The following SYNCRIP variants were observed in gnomAD, a reference collection of about 807,000 sequenced individuals.
The protein encoded by SYNCRIP is synaptotagmin binding cytoplasmic RNA interacting protein.
Under a neutral mutation model 68.9 loss-of-function variants are expected in SYNCRIP, and 9 were observed. That is an observed-to-expected ratio of 0.13 (90% CI 0.08 to 0.23). The LOEUF is 0.23. Among genes scored for constraint, SYNCRIP ranks in the 10% least tolerant of loss-of-function variants. The pLI, the probability that SYNCRIP is intolerant of heterozygous loss-of-function variation, is 1.00. For synonymous variants in SYNCRIP, 258 were observed against 254.0 expected (o/e 1.02, Z -0.15); for missense variants, 414 against 770.6 (o/e 0.54, Z 5.48).
chr6:85,643,769 C>T (rs958584101), upstream of SYNCRIP: 26 of 152,192 alleles, frequency 1.7e-4, no homozygotes, highest in African/African-American at 6.3e-4. Flanking sequence ...CGCGCCCGGC[C>T]CCCGCCCCCG....
intron 6 of SYNCRIP, among the ~76,000 whole-genome samples, chr6:85,636,515 A>G (rs140173049): frequency 9.3e-4 from 141 of 152,286 alleles, no homozygotes; most frequent in African/African-American, 3.3e-3. Flanking sequence ...CTTACCTAAC[A>G]TCTGGTATTT....
At chr6:85,609,642 A>G (rs150617155), downstream of SYNCRIP, 5 of 152,084 alleles carry the variant, frequency 3.3e-5, no homozygotes, top group African/African-American at 1.2e-4. Context: ...TTGGGAGAAT[A>G]TATCTAACAA....
At chr6:85,625,035 G>T (rs1047706699) in intron 6 of SYNCRIP, among the ~76,000 whole-genome samples, 4 of 152,142 alleles carry the variant, frequency 2.6e-5, no homozygotes, top group Admixed American at 2.6e-4. Context: ...TACAGCAAAA[G>T]AAACCATTCT....
chr6:85,622,080 A>C (rs1281363558), intron 8 of SYNCRIP, among the ~76,000 whole-genome samples: 1 of 152,068 alleles, frequency 6.6e-6, no homozygotes, highest in Admixed American at 6.5e-5. Context: ...TTAAAAAAAA[A>C]TGTGTCCAGG....
chr6:85,626,782 T>C lies in SYNCRIP; in HGVS notation c.667-2670A>G, dbSNP rs142164495. 6.8e-3 allele frequency among the ~76,000 whole-genome samples: 1,036 copies of C among 152,358 alleles called. 11 individuals are homozygous for C. The highest frequency in any genetic ancestry group is 0.047 in the South Asian group (226 of 4,824). On this transcript the variant is annotated intron_variant, in intron 6 of 10. Coordinates refer to ENST00000369622, the MANE Select transcript of SYNCRIP (RefSeq NM_006372.5). ...AATTATTAATAACTGTTTCCATTAT[T>C]ATCTACAGAAACACCATTTTTTTCC...
chr6:85,627,084 A>G (rs906294596), intron 6 of SYNCRIP, among the ~76,000 whole-genome samples: 3 of 152,062 alleles, frequency 2.0e-5, no homozygotes, highest in Admixed American at 6.6e-5. Context: ...TGGGCAACAC[A>G]GTGAAACGCC....
downstream of SYNCRIP, chr6:85,611,839 A>G (rs941915822): frequency 6.6e-6 from 1 of 152,602 alleles, no homozygotes; most frequent in Non-Finnish European, 1.5e-5. Flanking sequence ...CTACAGCCAT[A>G]TACTAATTTC....
chr6:85,614,559 G>GA lies in SYNCRIP; in HGVS notation c.*196dup, dbSNP rs1199076866. 21 of 1,285,260 alleles carry GA rather than the reference G, an allele frequency of 1.6e-5. No individual in the cohort carries two copies. Among genetic ancestry groups the GA allele is most frequent in the Admixed American group, 3.8e-5 (1 of 26,458 alleles). The allele number at this position is 1,285,260 out of a possible 1,614,324, so 79.6% of individuals were successfully genotyped here. A position where few individuals can be genotyped will look rare whatever the true frequency, so the allele number is the denominator to read the frequency against. Reference sequence around the variant, plus strand: ...TTCAGTATCTAAGAATATCTTTATTGAAAAAAATTAAAAATAAAATCAGTT... The same window carrying GA: ...TTCAGTATCTAAGAATATCTTTATTGAAAAAAAATTAAAAATAAAATCAGTT... On this transcript the variant is annotated 3_prime_UTR_variant, in exon 11 of 11. Coordinates refer to ENST00000369622, the MANE Select transcript of SYNCRIP (RefSeq NM_006372.5).
intron 8 of SYNCRIP, 56 bp downstream of exon 8, chr6:85,622,426 C>A: frequency 1.3e-6 from 2 of 1,510,918 alleles, no homozygotes; most frequent in South Asian, 2.3e-5. Context: ...CCACCCCAAC[C>A]CCGGCCCTTC....
intron 4 of SYNCRIP, among the ~76,000 whole-genome samples, chr6:85,638,801 G>C (rs1193106678): frequency 6.6e-6 from 1 of 152,090 alleles, no homozygotes; most frequent in African/African-American, 2.4e-5. Flanking sequence ...TAATAGTTAA[G>C]ACCCAAATAA....
chr6:85,623,330 G>A (rs963110794), intron 7 of SYNCRIP, among the ~76,000 whole-genome samples: 2 of 151,928 alleles, frequency 1.3e-5, no homozygotes, highest in Admixed American at 6.6e-5. Context: ...CTGGGAGGCC[G>A]AGGCAAGCAG....
intron 6 of SYNCRIP, among the ~76,000 whole-genome samples, chr6:85,625,817 A>C (rs1054376866): frequency 6.6e-6 from 1 of 152,188 alleles, no homozygotes; most frequent in African/African-American, 2.4e-5. Context: ...AAATCCTAAA[A>C]GGGTCAACAA....
rs1562087648 is a variant in SYNCRIP, at chr6:85,623,571, A to AAAAAAAAAAAAAAAAAAAAC, written c.802+405_802+406insGTTTTTTTTTTTTTTTTTTT. 2.8e-3 allele frequency among the ~76,000 whole-genome samples: 408 copies of AAAAAAAAAAAAAAAAAAAAC among 147,898 alleles called. 7 individuals are homozygous for AAAAAAAAAAAAAAAAAAAAC. Among genetic ancestry groups the AAAAAAAAAAAAAAAAAAAAC allele is most frequent in the African/African-American group, 0.01 (386 of 38,482 alleles). On this transcript the variant is annotated intron_variant, in intron 7 of 10. Coordinates refer to ENST00000369622, the MANE Select transcript of SYNCRIP (RefSeq NM_006372.5). ...AAAGCAAGACTGTCTCCAAAAAAAA[A>AAAAAAAAAAAAAAAAAAAAC]AAAAAAAAAAAACACTCTGCTACGG...
chr6:85,626,016 T>G (rs931130314), intron 6 of SYNCRIP, among the ~76,000 whole-genome samples: 2 of 152,222 alleles, frequency 1.3e-5, no homozygotes, highest in Non-Finnish European at 2.9e-5. Flanking sequence ...CACAAAGAAT[T>G]ATCTAGTCTA....
chr6:85,624,077 AAT>A lies in SYNCRIP; in HGVS notation c.700_701del (p.Ile234TrpfsTer10). On this transcript the variant is annotated frameshift_variant, in exon 7 of 11. Transcript: ENST00000369622. LOFTEE classifies it high-confidence loss of function. ...TGTTGGCAACTGAGATGCAGACACC[AAT>A]ATGTTTTCCAGAACGAATTTCATGA... ...NNHEIRSGKH[I>X]GVCISVANNR... is the part of the protein sequence containing the mutation. The A allele has an allele frequency of 6.2e-7, 1 of 1,613,926 alleles. No homozygotes were observed. The highest frequency in any genetic ancestry group is 2.2e-5 in the East Asian group (1 of 44,832).
intron 6 of SYNCRIP, among the ~76,000 whole-genome samples, chr6:85,624,965 G>A (rs545402773): frequency 5.9e-5 from 9 of 152,260 alleles, no homozygotes; most frequent in South Asian, 2.1e-4. Flanking sequence ...TATTCTACAC[G>A]TGGAGCTACA....
intron 4 of SYNCRIP, among the ~76,000 whole-genome samples, chr6:85,638,992 G>A (rs550111081): frequency 2.0e-5 from 3 of 152,244 alleles, no homozygotes; most frequent in East Asian, 3.9e-4. Flanking sequence ...GGTGGGTCAC[G>A]AGGTCAAGAG....
At chr6:85,620,634 A>G (rs1299340160) in intron 8 of SYNCRIP, among the ~76,000 whole-genome samples, 1 of 152,244 alleles carries the variant, frequency 6.6e-6, no homozygotes, top group Non-Finnish European at 1.5e-5. Flanking sequence ...GTGAGACCTC[A>G]TGTAAACTAT....
downstream of SYNCRIP, chr6:85,613,871 G>A (rs543805323): frequency 3.9e-4 from 255 of 660,682 alleles, no homozygotes; most frequent in Non-Finnish European, 4.6e-4. Flanking sequence ...ACTGAAAGTG[G>A]ACTTGTCAGT....
Sources: allele counts gnomAD v4.1 joint callset (sites outside exome capture counted in the v4.1 genomes callset), GRCh38; gene constraint gnomAD v4.1.1; transcripts MANE v1.5; gene names NCBI Gene and HGNC (gene_info 2026-07-23, HGNC 2026-07-21).